FAM20C: variants seen among roughly 807,000 people sequenced by gnomAD.
FAM20C encodes FAM20C golgi associated secretory pathway kinase.
In FAM20C, 40 loss-of-function variants were observed where a neutral mutation model predicts 51.5. The observed-to-expected ratio is 0.78, with a 90% CI of 0.60 to 1.01. The LOEUF (loss-of-function observed/expected upper bound fraction) is 1.01, where lower values mean the gene tolerates loss of function less well. FAM20C is among the 50% of genes least tolerant of loss of function. The pLI, the probability that FAM20C is intolerant of heterozygous loss-of-function variation, is 0.00. For missense variants in FAM20C, 861 were observed against 844.7 expected (o/e 1.02, Z -0.24); for synonymous variants, 406 against 380.6 (o/e 1.07, Z -0.78).
intron 5 of FAM20C, among the ~76,000 whole-genome samples, chr7:255,373 G>C (rs545511933): frequency 6.6e-6 from 1 of 152,176 alleles, no homozygotes; most frequent in African/African-American, 2.4e-5. Context: ...CATCAGGGTC[G>C]TCTTTGGAGA....
chr7:193,110 C>T lies in FAM20C; in HGVS notation c.-90C>T, dbSNP rs1785641908. The T allele has an allele frequency of 1.6e-6, 2 of 1,223,936 alleles. No individual in the cohort carries two copies. Among genetic ancestry groups the T allele is most frequent in the African/African-American group, 1.6e-5 (1 of 61,246 alleles). The allele number at this position is 1,223,936 out of a possible 1,614,324, so 75.8% of individuals were successfully genotyped here. On this transcript the variant is annotated 5_prime_UTR_variant, in exon 1 of 10. Coordinates refer to ENST00000313766, the MANE Select transcript of FAM20C (RefSeq NM_020223.4). ...GCCGCCCGGCACCGATGGACCTTGA[C>T]CCGCGAGGCGGCGCCGCGCTCGTGC... is the stretch of plus-strand genomic sequence containing the variant.
chr7:218,663 G>T (rs1165678988), intron 3 of FAM20C, among the ~76,000 whole-genome samples: 1 of 152,220 alleles, frequency 6.6e-6, no homozygotes. Flanking sequence ...GGACAGGGCT[G>T]GTCACTCCTC....
chr7:208,789 T>C, intron 2 of FAM20C, 109 bp from the exon 3 acceptor site: 1 of 1,137,442 alleles, frequency 8.8e-7, no homozygotes. Context: ...GTGGGACCCC[T>C]GGACCATGCC....
chr7:233,592 G>T lies in FAM20C; in HGVS notation c.864-12823G>T, dbSNP rs1004026177. 1.4e-3 allele frequency among the ~76,000 whole-genome samples: 215 copies of T among 152,300 alleles called. 2 individuals carry two copies. The highest frequency in any genetic ancestry group is 5.0e-3 in the African/African-American group (208 of 41,562). On this transcript the variant is annotated intron_variant, in intron 3 of 9. Coordinates refer to ENST00000313766, the MANE Select transcript of FAM20C (RefSeq NM_020223.4). Reference sequence around the variant, plus strand: ...GCCCTTCCGGCTCCTGGAGGCGCCTGCGTTGGCGGCTGGGGTCCCTCCTCC... The same window carrying T: ...GCCCTTCCGGCTCCTGGAGGCGCCTTCGTTGGCGGCTGGGGTCCCTCCTCC...
chr7:254,797 C>A lies in FAM20C; in HGVS notation c.1073-1052C>A, dbSNP rs142733968. 7.1e-3 allele frequency among the ~76,000 whole-genome samples: 1,085 copies of A among 152,324 alleles called. 27 individuals are homozygous for A. Among genetic ancestry groups the A allele is most frequent in the East Asian group, 0.061 (317 of 5,184 alleles). ...GCCCTCGACGAGCAGCGTCCCACCCCCAGTCTATCTGGATTTGCCTGTTCT... is the reference window on the plus strand; with the variant it reads ...GCCCTCGACGAGCAGCGTCCCACCCACAGTCTATCTGGATTTGCCTGTTCT... On this transcript the variant is annotated intron_variant, in intron 5 of 9. Transcript: ENST00000313766.
intron 3 of FAM20C, among the ~76,000 whole-genome samples, chr7:231,955 CT>C (rs937407315): frequency 9.2e-5 from 14 of 152,224 alleles, no homozygotes; most frequent in South Asian, 8.3e-4. Context: ...GCACCCGCCC[CT>C]GCCCAGGGTT....
Position 256,658 on chromosome 7 carries a change from G to C in FAM20C, c.1258G>C (p.Glu420Gln), listed in dbSNP as rs1322127625. 1.3e-6 allele frequency: 2 copies of C among 1,535,944 alleles called. No individual in the cohort carries two copies. The highest frequency in any genetic ancestry group is 1.4e-5 in the African/African-American group (1 of 73,182). The change falls in exon 7 of 10, where the codon GAG becomes CAG. Residue 420 changes from glutamate to glutamine, a missense_variant. Glu to Gln is a conservative substitution (Grantham distance 29). Transcript: ENST00000313766. ...SYHKRKKAEW[E>Q]VDPDYCEEVK... ...TCTCACGCTGGCTCCCCGCAGGTGGGAGGTGGACCCTGACTACTGCGAGGA... is the reference window on the plus strand; with the variant it reads ...TCTCACGCTGGCTCCCCGCAGGTGGCAGGTGGACCCTGACTACTGCGAGGA...
rs1785686332 is a variant in FAM20C at position 193,514 on chromosome 7, C to T, written c.315C>T (p.His105=). The stretch of plus-strand genomic sequence containing the variant: ...ACCCCTCCTCCAACCTCTCGTCCCA[C>T]TCGCTGGAGAAACTGCCGCCCGCGG... ...SSDPSSNLSS[H]SLEKLPPAAE... is the part of the protein sequence containing the mutation. Residue 105 remains histidine (H), a synonymous_variant, in exon 1 of 10, where the codon CAC becomes CAT. Coordinates refer to ENST00000313766, the MANE Select transcript of FAM20C (RefSeq NM_020223.4). The T allele has an allele frequency of 1.5e-5, 23 of 1,502,592 alleles. No individual in the cohort carries two copies. The highest frequency in any genetic ancestry group is 2.0e-5 in the Non-Finnish European group (22 of 1,122,800). The allele number at this position is 1,502,592 out of a possible 1,614,324, so 93.1% of individuals were successfully genotyped here.
intron 3 of FAM20C, among the ~76,000 whole-genome samples, chr7:241,790 CATGTGCACACGTGTGA>C (rs1277900323): frequency 1.3e-5 from 2 of 150,482 alleles, no homozygotes; most frequent in African/African-American, 4.9e-5. Context: ...AGTGTGTGTG[CATGTGCACACGTGTGA>C]ATGTGCATCT....
At chr7:254,516 G>A (rs1788517205) in intron 5 of FAM20C, among the ~76,000 whole-genome samples, 2 of 152,230 alleles carry the variant, frequency 1.3e-5, no homozygotes, top group African/African-American at 4.8e-5. Context: ...CCGTCGGCCG[G>A]GCCTCCAGCA....
intron 3 of FAM20C, among the ~76,000 whole-genome samples, chr7:213,938 C>T (rs1032440865): frequency 1.1e-4 from 16 of 152,162 alleles, no homozygotes; most frequent in African/African-American, 3.9e-4. Flanking sequence ...TCCATGTGGG[C>T]ACGGGCCATT....
chr7:248,257 C>A (rs147477230), intron 4 of FAM20C, 58 bp from the exon 5 acceptor site: 553 of 1,146,332 alleles, frequency 4.8e-4, no homozygotes, highest in African/African-American at 2.6e-3. Context: ...GAGGCAGGGA[C>A]ACAGAGGCCC....
intron 3 of FAM20C, among the ~76,000 whole-genome samples, chr7:230,067 G>T (rs1185503876): frequency 2.0e-5 from 3 of 152,154 alleles, no homozygotes; most frequent in Admixed American, 2.0e-4. Flanking sequence ...CCCGGCCGTG[G>T]AACCTGTAAA....
chr7:215,422 CCG>C (rs1786922229), intron 3 of FAM20C, among the ~76,000 whole-genome samples: 1 of 474 alleles, frequency 2.1e-3, no homozygotes. Flanking sequence ...GGAGCAGGGC[CCG>C]TGGTGTATGG....
Position 193,403 on chromosome 7 carries a change from G to A in FAM20C, c.204G>A (p.Gly68=). Residue 68 remains glycine (G), a synonymous_variant, in exon 1 of 10, where the codon GGG becomes GGA. Coordinates refer to ENST00000313766, the MANE Select transcript of FAM20C (RefSeq NM_020223.4). ...GGGCCCAGGTTCGGGGCCGCCCCGG[G>A]GAGCCCCCGGCCGCCTCCTCCGCCG... ...PGWAQVRGRP[G]EPPAASSAAG... is the part of the protein sequence containing the mutation. The A allele has an allele frequency of 1.4e-6, 2 of 1,400,504 alleles. No individual in the cohort carries two copies. The highest frequency in any genetic ancestry group is 9.4e-7 in the Non-Finnish European group (1 of 1,065,202). The allele number at this position is 1,400,504 out of a possible 1,614,324, so 86.8% of individuals were successfully genotyped here.
At chr7:258,391 TGCCCGG>T in intron 8 of FAM20C, among the ~76,000 whole-genome samples, 2 of 109,480 alleles carry the variant, frequency 1.8e-5, no homozygotes, top group Admixed American at 1.7e-4. Context: ...GTGGACCCAC[TGCCCGG>T]GATGCTGGAG....
In FAM20C at chr7:260,255, CTTTA is replaced by C. The variant is rs1049417354; in HGVS notation, c.*280_*283del. 7.5e-6 allele frequency: 3 copies of C among 399,992 alleles called. No individual in the cohort carries two copies. Among genetic ancestry groups the C allele is most frequent in the African/African-American group, 6.1e-5 (3 of 49,090 alleles). The allele number at this position is 399,992 out of a possible 1,614,324, so 24.8% of individuals were successfully genotyped here. A position where few individuals can be genotyped will look rare whatever the true frequency, so the allele number is the denominator to read the frequency against. Reference sequence around the variant, plus strand: ...CCATCCTTTCTGTAGGGAAAGGAGCCTTTATTTACTATTTTGTATTTATATTTGA... The same window carrying C: ...CCATCCTTTCTGTAGGGAAAGGAGCCTTTACTATTTTGTATTTATATTTGA... On this transcript the variant is annotated 3_prime_UTR_variant, in exon 10 of 10. Coordinates refer to ENST00000313766, the MANE Select transcript of FAM20C (RefSeq NM_020223.4).
chr7:257,962 T>C (rs371055052), intron 8 of FAM20C, among the ~76,000 whole-genome samples: 4,761 of 30,736 alleles, frequency 0.15, 1,138 homozygotes, highest in Middle Eastern at 0.27. Context: ...ACCCACTGCC[T>C]GAGGTGCTGG....
At chr7:227,470 TG>T (rs575464684) in intron 3 of FAM20C, 64 of 146,710 alleles carry the variant, frequency 4.4e-4, no homozygotes, top group African/African-American at 1.6e-3. Flanking sequence ...TTCTTACTGA[TG>T]TTTTTTTTAA....
Sources: gnomAD v4.1 joint callset for allele counts (sites outside exome capture counted in the v4.1 genomes callset) on GRCh38, gnomAD v4.1.1 for gene constraint, MANE v1.5 for transcripts, NCBI Gene and HGNC (gene_info 2026-07-23, HGNC 2026-07-21) for gene names.